Variants in TYRO3 observed in about 807,000 individuals in gnomAD.
TYRO3 encodes the protein tyrosine-protein kinase receptor TYRO3.
A neutral mutation model predicts 95.2 loss-of-function variants in TYRO3; 38 were observed. That is an observed-to-expected ratio of 0.40 (90% CI 0.31 to 0.52). The LOEUF is 0.52. Among genes scored for constraint, TYRO3 ranks in the 20% least tolerant of loss-of-function variants. The pLI, the probability that TYRO3 is intolerant of heterozygous loss-of-function variation, is 0.56. For missense variants in TYRO3, 812 were observed against 1,116.4 expected (o/e 0.73, Z 3.89); for synonymous variants, 367 against 432.9 (o/e 0.85, Z 1.89).
In TYRO3 at chr15:41,576,301, C is replaced by T. The variant is rs563568518; in HGVS notation, c.2283-1585C>T. ...TTCCACCTCCTGGATTCAAGCGATT[C>T]TCGTGCCTCAGTCTCCTGAGTAGCT... On this transcript the variant is annotated intron_variant, in intron 18 of 18. Coordinates refer to ENST00000263798, the MANE Select transcript of TYRO3 (RefSeq NM_006293.4). Among the ~76,000 whole-genome samples the T allele has an allele frequency of 5.9e-5, 9 of 151,702 alleles. No individual in the cohort carries two copies. In the South Asian group the frequency reaches 1.9e-3, roughly 32 times the overall value.
rs766179963 is a variant in TYRO3, at chr15:41,568,377, T to C, written c.1107+15T>C. 3.9e-6 allele frequency: 6 copies of C among 1,523,340 alleles called. No individual in the cohort carries two copies. Among genetic ancestry groups the C allele is most frequent in the Admixed American group, 3.5e-5 (2 of 56,788 alleles). The allele number at this position is 1,523,340 out of a possible 1,614,324, so 94.4% of individuals were successfully genotyped here. A position where few individuals can be genotyped will look rare whatever the true frequency, so the allele number is the denominator to read the frequency against. On this transcript the variant is annotated intron_variant, in intron 8 of 18. Transcript: ENST00000263798. ...ATGGAACCCAGGTAAGACAGAACCC[T>C]CCCCTCTCTCCACTCTCCTGGAGTA...
In TYRO3 at chr15:41,578,297, G is replaced by C; in HGVS notation, c.*21G>C. 1 of 1,612,764 alleles carries C rather than the reference G, an allele frequency of 6.2e-7. No individual in the cohort carries two copies. Among genetic ancestry groups the C allele is most frequent in the Non-Finnish European group, 8.5e-7 (1 of 1,179,864 alleles). On this transcript the variant is annotated 3_prime_UTR_variant, in exon 19 of 19. Transcript: ENST00000263798. ...GTTAGCCCACAGGCAGAGGGCATCGGGGCCATTTGGCCGGCTCTGGTGGCC... is the reference window on the plus strand; with the variant it reads ...GTTAGCCCACAGGCAGAGGGCATCGCGGCCATTTGGCCGGCTCTGGTGGCC...
intron 6 of TYRO3, 57 bp from the exon 7 acceptor site, chr15:41,567,303 C>T (rs1232243044): frequency 5.8e-6 from 8 of 1,385,656 alleles, no homozygotes; most frequent in Non-Finnish European, 7.5e-6. Context: ...ATACCCATCC[C>T]ATCTTCCATC....
intron 3 of TYRO3, chr15:41,561,883 G>C: frequency 2.6e-6 from 1 of 387,518 alleles, no homozygotes; most frequent in Non-Finnish European, 4.7e-6. Flanking sequence ...TCCGTTGCTT[G>C]AGCAACAAGC....
At chr15:41,568,642 C>T (rs1472329242) in intron 8 of TYRO3, among the ~76,000 whole-genome samples, 2 of 152,096 alleles carry the variant, frequency 1.3e-5, no homozygotes, top group Admixed American at 6.5e-5. Context: ...CAGCTCAGTT[C>T]GCTCCCATCC....
chr15:41,567,115 T>C (rs569129817), intron 6 of TYRO3, among the ~76,000 whole-genome samples: 1 of 151,806 alleles, frequency 6.6e-6, no homozygotes, highest in African/African-American at 2.4e-5. Context: ...TTGCACTGAG[T>C]CTTAAAGGAT....
chr15:41,572,644 G>A, intron 15 of TYRO3, 80 bp downstream of exon 15: 1 of 1,415,776 alleles, frequency 7.1e-7, no homozygotes, highest in South Asian at 1.3e-5. Context: ...CCCTGGCAGA[G>A]AGGGGCTTGC....
chr15:41,562,834 G>T, intron 4 of TYRO3, 116 bp downstream of exon 4: 3 of 1,088,890 alleles, frequency 2.8e-6, no homozygotes, highest in Non-Finnish European at 3.9e-6. Flanking sequence ...GCAAGCCCCA[G>T]TGTCTGGGGA....
chr15:41,567,860 A>T (rs1400884437), intron 7 of TYRO3, among the ~76,000 whole-genome samples: 1 of 152,224 alleles, frequency 6.6e-6, no homozygotes, highest in African/African-American at 2.4e-5. Context: ...TATCTGGGGG[A>T]AAATCACTGC....
At chr15:41,568,523 C>T (rs1289459115) in intron 8 of TYRO3, among the ~76,000 whole-genome samples, 161 bp downstream of exon 8, 1 of 152,152 alleles carries the variant, frequency 6.6e-6, no homozygotes, top group Non-Finnish European at 1.5e-5. Context: ...CTCCACTTCT[C>T]AAAGGATTAT....
Position 41,578,175 on chromosome 15 carries a change from G to A in TYRO3, c.2572G>A (p.Glu858Lys). The change falls in exon 19 of 19, where the codon GAG (glutamate) becomes AAG (lysine). Residue 858 changes from glutamate (E) to lysine (K), a missense_variant. Glu to Lys is a moderately conservative substitution (Grantham distance 56, BLOSUM62 1). Coordinates refer to ENST00000263798, the MANE Select transcript of TYRO3 (RefSeq NM_006293.4). ...RYILTPGGLA[E>K]QPGQAEHQPE... ...CATACTCACCCCCGGAGGGCTGGCT[G>A]AGCAGCCAGGGCAGGCAGAGCACCA... 6.2e-7 allele frequency: 1 copy of A among 1,613,894 alleles called. No homozygotes were observed. Among genetic ancestry groups the A allele is most frequent in the Non-Finnish European group, 8.5e-7 (1 of 1,180,044 alleles).
chr15:41,576,232 C>T (rs912609419), intron 18 of TYRO3, among the ~76,000 whole-genome samples: 5 of 151,580 alleles, frequency 3.3e-5, no homozygotes, highest in East Asian at 1.9e-4. Context: ...TTGCTCTTGT[C>T]GCCCAGGCTG....
intron 6 of TYRO3, among the ~76,000 whole-genome samples, chr15:41,566,693 T>A (rs1338076593): frequency 6.6e-6 from 1 of 152,218 alleles, no homozygotes; most frequent in East Asian, 1.9e-4. Flanking sequence ...GACCTTGGCT[T>A]CAGGCCAGCT....
At chr15:41,564,335 A>C in intron 5 of TYRO3, 65 bp downstream of exon 5, 1 of 1,504,952 alleles carries the variant, frequency 6.6e-7, no homozygotes, top group Non-Finnish European at 9.2e-7. Context: ...GCTGTCCAGC[A>C]GTTAGAATCA....
At chr15:41,576,104 C>CAAAAAAA in intron 18 of TYRO3, among the ~76,000 whole-genome samples, 1 of 102,100 alleles carries the variant, frequency 9.8e-6, no homozygotes, top group Non-Finnish European at 1.9e-5. Context: ...AACTCCATCT[C>CAAAAAAA]AAAAAAAAAA....
chr15:41,569,911 G>A, intron 9 of TYRO3, 116 bp from the exon 10 acceptor site: 2 of 1,336,132 alleles, frequency 1.5e-6, no homozygotes, highest in Non-Finnish European at 2.0e-6. Context: ...CTTTCCCTCA[G>A]GACCCTTATT....
chr15:41,565,705 A>G (rs1443533588), intron 6 of TYRO3, among the ~76,000 whole-genome samples: 2 of 151,624 alleles, frequency 1.3e-5, no homozygotes, highest in Non-Finnish European at 2.9e-5. Flanking sequence ...CTGGTATTAC[A>G]GGCATGAACC....
chr15:41,561,121 C>A lies in TYRO3; in HGVS notation c.125-6C>A. ...AGGCTGACACATGTTCCTTCCCACC[C>A]CTCAGGTCTGAAGCTCATGGGAGCC... is the stretch of plus-strand genomic sequence containing the variant. On this transcript the variant is annotated splice_polypyrimidine_tract_variant and splice_region_variant and intron_variant, in intron 1 of 18. Transcript: ENST00000263798. 1 of 1,614,030 alleles carries A rather than the reference C, an allele frequency of 6.2e-7. No homozygotes were observed. Among genetic ancestry groups the A allele is most frequent in the Non-Finnish European group, 8.5e-7 (1 of 1,179,954 alleles).
At chr15:41,566,060 C>A (rs1166370547) in intron 6 of TYRO3, among the ~76,000 whole-genome samples, 3 of 152,124 alleles carry the variant, frequency 2.0e-5, no homozygotes, top group Non-Finnish European at 2.9e-5. Context: ...TGCCTGTAAT[C>A]CCAGCACTTT....
Sources: gnomAD v4.1 joint callset for allele counts (sites outside exome capture counted in the v4.1 genomes callset) on GRCh38, gnomAD v4.1.1 for gene constraint, MANE v1.5 for transcripts, NCBI Gene and HGNC (gene_info 2026-07-23, HGNC 2026-07-21) for gene names.